The following MYOM1 variants were observed in gnomAD, a reference collection of about 807,000 sequenced individuals.
MYOM1 encodes myomesin-1.
In MYOM1, 164 loss-of-function variants were observed where a neutral mutation model predicts 205.3. That is an observed-to-expected ratio of 0.80 (90% CI 0.70 to 0.91). The LOEUF (loss-of-function observed/expected upper bound fraction) is 0.91, where lower values mean the gene tolerates loss of function less well. MYOM1 is among the 40% of genes least tolerant of loss of function. The pLI is 0.00. For synonymous variants in MYOM1, 772 were observed against 789.4 expected (o/e 0.98, Z 0.37); for missense variants, 2,011 against 2,127.3 (o/e 0.95, Z 1.08).
rs1278278533 is a variant in MYOM1, at chr18:3,180,613, A to T, written c.930-4479T>A. Among the ~76,000 whole-genome samples the T allele has an allele frequency of 3.3e-5, 5 of 152,216 alleles. No individual in the cohort carries two copies. In the East Asian group the frequency reaches 9.6e-4, roughly 29 times the overall value. ...ATCGGCTAATTTTGGAGGTTAATCC[A>T]CACCCTGGGATTACATATCAAAAGC... On this transcript the variant is annotated intron_variant, in intron 5 of 37. Coordinates refer to ENST00000356443, the MANE Select transcript of MYOM1 (RefSeq NM_003803.4).
At position 3,214,992 on chromosome 18, in the gene MYOM1, G is replaced by A. The variant is rs756082940; in HGVS notation, c.232C>T (p.Leu78=). 8.1e-6 allele frequency: 13 copies of A among 1,611,642 alleles called. No homozygotes were observed. Among genetic ancestry groups the A allele is most frequent in the Non-Finnish European group, 1.0e-5 (12 of 1,178,792 alleles). The change falls in exon 2 of 38, where the codon CTG becomes TTG. Residue 78 remains leucine (L), a synonymous_variant. Coordinates refer to ENST00000356443, the MANE Select transcript of MYOM1 (RefSeq NM_003803.4). ...SSQQQASQHA[L]SSEVSRKAAS... ...GCCTTCCGACTGACTTCAGAGCTCA[G>A]GGCGTGCTGCGAGGCCTGCTGCTGG...
intron 2 of MYOM1, among the ~76,000 whole-genome samples, chr18:3,201,641 C>T (rs1354355870): frequency 6.6e-6 from 1 of 150,972 alleles, no homozygotes; most frequent in Non-Finnish European, 1.5e-5. Flanking sequence ...CATATATATT[C>T]TATTAAATTC....
intron 5 of MYOM1, among the ~76,000 whole-genome samples, chr18:3,186,566 A>G (rs1277432037): frequency 6.6e-6 from 1 of 152,224 alleles, no homozygotes; most frequent in Admixed American, 6.5e-5. Flanking sequence ...GCAATAGGAT[A>G]TATTATGAAG....
At chr18:3,202,473 T>C (rs2081080727) in intron 2 of MYOM1, among the ~76,000 whole-genome samples, 1 of 152,200 alleles carries the variant, frequency 6.6e-6, no homozygotes, top group South Asian at 2.1e-4. Flanking sequence ...ACACATTTGT[T>C]AGTAAAAGGA....
At chr18:3,083,930 A>C (rs1444760679) in intron 32 of MYOM1, 36 bp from the exon 33 acceptor site, 2 of 1,576,926 alleles carry the variant, frequency 1.3e-6, no homozygotes, top group East Asian at 2.3e-5. Flanking sequence ...ATACATCTGC[A>C]TGCCCCTCCT....
At chr18:3,115,113 C>T (rs2143813698) in intron 21 of MYOM1, among the ~76,000 whole-genome samples, 1 of 152,170 alleles carries the variant, frequency 6.6e-6, no homozygotes, top group East Asian at 1.9e-4. Flanking sequence ...TGTTCCTGAC[C>T]TTTATTTTAC....
At chr18:3,231,248 A>G in the MYOM1 span, among the ~76,000 whole-genome samples, 33 of 152,342 alleles carry the variant, frequency 2.2e-4, no homozygotes, top group East Asian at 6.4e-3. Context: ...CAATACACTT[A>G]ATAGAAGGAA....
chr18:3,162,764 G>A (rs1187487827), intron 10 of MYOM1, among the ~76,000 whole-genome samples: 9 of 152,086 alleles, frequency 5.9e-5, no homozygotes, highest in African/African-American at 9.7e-5. Context: ...GTGGGCTCAC[G>A]CCTGTAATCC....
intron 33 of MYOM1, among the ~76,000 whole-genome samples, chr18:3,082,478 G>A (rs1007784725): frequency 6.6e-6 from 1 of 152,182 alleles, no homozygotes; most frequent in Non-Finnish European, 1.5e-5. Context: ...AAAGGGCTTT[G>A]AGCAGTGCCC....
intron 33 of MYOM1, 66 bp from the exon 34 acceptor site, chr18:3,079,408 C>G: frequency 1.4e-6 from 2 of 1,474,700 alleles, no homozygotes; most frequent in Non-Finnish European, 1.8e-6. Context: ...TACTTTGTCT[C>G]TCATTGAAGC....
At chr18:3,164,781 T>TA in intron 9 of MYOM1, among the ~76,000 whole-genome samples, 2 of 152,360 alleles carry the variant, frequency 1.3e-5, no homozygotes. Flanking sequence ...GTAATAGGGG[T>TA]AATACAAGTT....
chr18:3,228,190 G>A, the MYOM1 span, among the ~76,000 whole-genome samples: 1 of 152,206 alleles, frequency 6.6e-6, no homozygotes, highest in Non-Finnish European at 1.5e-5. The surrounding 1 kb of genome is among the most constrained non-coding windows in gnomAD (Gnocchi z 4.5). Context: ...GACACCTGCA[G>A]TCACAGTGGG....
chr18:3,145,867 T>G lies in MYOM1; in HGVS notation c.1900+3278A>C, dbSNP rs569996057. The stretch of plus-strand genomic sequence containing the variant: ...TGTTTCTTTGGGAACATCAATAAAG[T>G]TGATAAACTTCTAGTCAGGTCAGGA... On this transcript the variant is annotated intron_variant, in intron 13 of 37. Coordinates refer to ENST00000356443, the MANE Select transcript of MYOM1 (RefSeq NM_003803.4). Among the ~76,000 whole-genome samples, 435 of 152,070 alleles carry G rather than the reference T, an allele frequency of 2.9e-3. 2 individuals carry two copies. The highest frequency in any genetic ancestry group is 9.9e-3 in the African/African-American group (411 of 41,526).
intron 3 of MYOM1, among the ~76,000 whole-genome samples, chr18:3,192,818 T>C (rs2080929727): frequency 6.6e-6 from 1 of 152,240 alleles, no homozygotes; most frequent in African/African-American, 2.4e-5. Context: ...TTATTTTGTC[T>C]GAAGTTTACC....
chr18:3,118,247 A>G (rs1213879750), intron 20 of MYOM1, among the ~76,000 whole-genome samples: 1 of 152,194 alleles, frequency 6.6e-6, no homozygotes, highest in African/African-American at 2.4e-5. Context: ...TAAGTCAAGG[A>G]TGGGACTGAG....
At chr18:3,171,793 A>G (rs1031238791) in intron 8 of MYOM1, among the ~76,000 whole-genome samples, 1 of 152,238 alleles carries the variant, frequency 6.6e-6, no homozygotes, top group Non-Finnish European at 1.5e-5. Flanking sequence ...AGCCATGCTC[A>G]TTCATTCTCC....
At chr18:3,101,989 A>ATTTTT (rs35882298) in intron 23 of MYOM1, among the ~76,000 whole-genome samples, 11 of 55,850 alleles carry the variant, frequency 2.0e-4, no homozygotes, top group African/African-American at 3.3e-4. Context: ...TCAGTCTGGG[A>ATTTTT]TTTTTTTTTT....
At position 3,193,381 on chromosome 18, in the gene MYOM1, C is replaced by CACACACAAAA. The variant is rs139388864; in HGVS notation, c.431+436_431+437insTTTTGTGTGT. 5.7e-5 allele frequency among the ~76,000 whole-genome samples: 8 copies of CACACACAAAA among 141,402 alleles called. 1 individual carries two copies. Among genetic ancestry groups the CACACACAAAA allele is most frequent in the Admixed American group, 4.1e-4 (6 of 14,460 alleles). The allele number at this position is 141,402 out of a possible 152,430, so 92.8% of individuals were successfully genotyped here. ...ATATATACACACACACACACACACA[C>CACACACAAAA]AATAATAAAAATTCACCCAACATTT... is the stretch of plus-strand genomic sequence containing the variant. On this transcript the variant is annotated intron_variant, in intron 3 of 37. Transcript: ENST00000356443.
At chr18:3,208,386 C>T (rs1365819610) in intron 2 of MYOM1, among the ~76,000 whole-genome samples, 3 of 152,166 alleles carry the variant, frequency 2.0e-5, no homozygotes, top group South Asian at 2.1e-4. Context: ...TAGTGGCACG[C>T]GCCTATAGTT....
Sources: gnomAD v4.1 joint callset for allele counts (sites outside exome capture counted in the v4.1 genomes callset) on GRCh38, gnomAD v4.1.1 for gene constraint, Gnocchi (gnomAD v3.1) non-coding constraint, MANE v1.5 for transcripts, NCBI Gene and HGNC (gene_info 2026-07-23, HGNC 2026-07-21) for gene names.